PPP1CA: variants seen among roughly 807,000 people sequenced by gnomAD.
PPP1CA encodes the protein serine/threonine-protein phosphatase PP1-alpha catalytic subunit.
PPP1CA carries 14 observed loss-of-function variants against 38.5 expected under a neutral mutation model. That is an observed-to-expected ratio of 0.36 (90% CI 0.24 to 0.57). The LOEUF (loss-of-function observed/expected upper bound fraction) is 0.57. Among genes scored for constraint, PPP1CA ranks in the 20% least tolerant of loss-of-function variants. PPP1CA has a pLI of 0.80. For synonymous variants in PPP1CA, 200 were observed against 177.3 expected, an observed-to-expected ratio of 1.13 and a Z score of -1.02; for missense variants, 277 against 435.2, an observed-to-expected ratio of 0.64 and a Z score of 3.23.
rs1862820206 is a variant in PPP1CA at position 67,398,985 on chromosome 11, C to T, written c.702G>A (p.Lys234=). Residue 234 remains lysine (K), a synonymous_variant, in exon 5 of 7, where the codon AAG becomes AAA. Transcript: ENST00000376745. ...GGTCCAAGTCGTGCTTGTGGAGGAA[C>T]TTGGCCACCACCTCGGCTCCAAAGG... is the stretch of plus-strand genomic sequence containing the variant. ...SFTFGAEVVA[K]FLHKHDLDLI... 1 of 1,613,354 alleles carries T rather than the reference C, an allele frequency of 6.2e-7. No homozygotes were observed. The highest frequency in any genetic ancestry group is 1.3e-5 in the African/African-American group (1 of 74,948).
At chr11:67,399,711 C>T (rs1468549548) in intron 3 of PPP1CA, 46 bp from the exon 4 acceptor site, 4 of 1,491,970 alleles carry the variant, frequency 2.7e-6, no homozygotes, top group Admixed American at 3.6e-5. Flanking sequence ...ACCCCACCCT[C>T]AGCCAGGGTC....
At position 67,398,529 on chromosome 11, in the gene PPP1CA, CG is replaced by C. The variant is rs746983377; in HGVS notation, c.*5del. On this transcript the variant is annotated 3_prime_UTR_variant, in exon 7 of 7. Coordinates refer to ENST00000376745, the MANE Select transcript of PPP1CA (RefSeq NM_002708.4). ...ATCATCTGGGGCACAGGGTGGTGTG[CG>C]GGGGCTATTTCTTGGCTTTGGCGGA... The C allele has an allele frequency of 1.2e-6, 2 of 1,612,454 alleles. No homozygotes were observed. Among genetic ancestry groups the C allele is most frequent in the Non-Finnish European group, 1.7e-6 (2 of 1,178,920 alleles).
Position 67,401,838 on chromosome 11 carries a change from C to T in PPP1CA, c.-56G>A, listed in dbSNP as rs1408701363. On this transcript the variant is annotated 5_prime_UTR_variant, in exon 1 of 7. Coordinates refer to ENST00000376745, the MANE Select transcript of PPP1CA (RefSeq NM_002708.4). ...CTGGCCCGCTCCTGCCTCCCGCCCTCCGGCAGCCTCCTTCCGGCCTGGCTC... is the reference window on the plus strand; with the variant it reads ...CTGGCCCGCTCCTGCCTCCCGCCCTTCGGCAGCCTCCTTCCGGCCTGGCTC... 7 of 1,321,376 alleles carry T rather than the reference C, an allele frequency of 5.3e-6. No homozygotes were observed. The South Asian group carries it at 6.0e-5, about 11-fold the overall frequency. 81.9% of individuals were successfully genotyped at this position (1,321,376 alleles called of 1,614,324 possible).
Position 67,401,814 on chromosome 11 carries a change from TG to T in PPP1CA, c.-33del, listed in dbSNP as rs1862899542. 1 of 1,411,366 alleles carries T rather than the reference TG, an allele frequency of 7.1e-7. No individual in the cohort carries two copies. Among genetic ancestry groups the T allele is most frequent in the Non-Finnish European group, 9.3e-7 (1 of 1,070,420 alleles). The allele number at this position is 1,411,366 out of a possible 1,614,324, so 87.4% of individuals were successfully genotyped here. On this transcript the variant is annotated 5_prime_UTR_variant, in exon 1 of 7. Coordinates refer to ENST00000376745, the MANE Select transcript of PPP1CA (RefSeq NM_002708.4). ...GCCGCCGCTCCAGCCCAGCAGCTCC[TG>T]GCCCGCTCCTGCCTCCCGCCCTCCG...
chr11:67,401,529 AG>A (rs1359055257), intron 1 of PPP1CA, 198 bp downstream of exon 1: 14 of 557,264 alleles, frequency 2.5e-5, no homozygotes, highest in Middle Eastern at 5.0e-4. Flanking sequence ...AGCCCGGGAG[AG>A]GGGGGGAGCT....
intron 3 of PPP1CA, 75 bp from the exon 4 acceptor site, chr11:67,399,740 G>A: frequency 8.0e-7 from 1 of 1,255,974 alleles, no homozygotes; most frequent in Middle Eastern, 1.9e-4. Context: ...ATTCAGCCGT[G>A]GCTGGGAGGA....
chr11:67,401,649 G>A, intron 1 of PPP1CA, 79 bp downstream of exon 1: 2 of 1,195,004 alleles, frequency 1.7e-6, no homozygotes, highest in Non-Finnish European at 2.1e-6. Context: ...CTGGCCCCGG[G>A]GGCCCGCCCG....
intron 1 of PPP1CA, 137 bp downstream of exon 1, chr11:67,401,591 G>A: frequency 2.6e-6 from 2 of 762,134 alleles, no homozygotes; most frequent in Non-Finnish European, 3.6e-6. Flanking sequence ...TCCGCGGGGG[G>A]GCAGCTGCGG....
Position 67,398,857 on chromosome 11 carries a change from C to A in PPP1CA, c.748-1G>T. ...AGAACTCGTAGCCGTCTTCTACCACCTGGGCGAGGATGGGAGCAGTCAGTC... is the reference window on the plus strand; with the variant it reads ...AGAACTCGTAGCCGTCTTCTACCACATGGGCGAGGATGGGAGCAGTCAGTC... On this transcript the variant is annotated splice_acceptor_variant, in intron 5 of 6. Coordinates refer to ENST00000376745, the MANE Select transcript of PPP1CA (RefSeq NM_002708.4). LOFTEE classifies it high-confidence loss of function. The A allele has an allele frequency of 6.2e-7, 1 of 1,612,564 alleles. No individual in the cohort carries two copies. Among genetic ancestry groups the A allele is most frequent in the Non-Finnish European group, 8.5e-7 (1 of 1,179,982 alleles).
chr11:67,398,577 T>TCGGC lies in PPP1CA; in HGVS notation c.947_950dup (p.Ile319ThrfsTer27). The TCGGC allele has an allele frequency of 6.2e-7, 1 of 1,613,940 alleles. No homozygotes were observed. Among genetic ancestry groups the TCGGC allele is most frequent in the Non-Finnish European group, 8.5e-7 (1 of 1,179,958 alleles). ...CGGAATTGCGGGGTGGGGTGATGGG[T>TCGGC]CGGCCTCCAGGGTTCAGGCCACTGA... On this transcript the variant is annotated frameshift_variant, in exon 7 of 7. Transcript: ENST00000376745. LOFTEE classifies it high-confidence loss of function.
At position 67,398,275 on chromosome 11, in the gene PPP1CA, C is replaced by G. The variant is rs532870769; in HGVS notation, c.*260G>C. 1.9e-6 allele frequency: 1 copy of G among 514,610 alleles called. No homozygotes were observed. Among genetic ancestry groups the G allele is most frequent in the Non-Finnish European group, 3.4e-6 (1 of 290,054 alleles). 31.9% of individuals were successfully genotyped at this position (514,610 alleles called of 1,614,324 possible). On this transcript the variant is annotated 3_prime_UTR_variant, in exon 7 of 7. Coordinates refer to ENST00000376745, the MANE Select transcript of PPP1CA (RefSeq NM_002708.4). Reference sequence around the variant, plus strand: ...GAGGCCAAGCACGGCTGGAGACCCACGACCTGGCCTGCCGTTGCCCTGAGC... The same window carrying G: ...GAGGCCAAGCACGGCTGGAGACCCAGGACCTGGCCTGCCGTTGCCCTGAGC...
intron 4 of PPP1CA, 111 bp downstream of exon 4, chr11:67,399,450 A>G (rs1006195302): frequency 1.1e-6 from 1 of 950,836 alleles, no homozygotes; most frequent in African/African-American, 1.6e-5. Flanking sequence ...ACAGTGGGGT[A>G]TGGGGGACAC....
At chr11:67,399,464 C>G (rs1477154636) in intron 4 of PPP1CA, 97 bp downstream of exon 4, 3 of 1,123,600 alleles carry the variant, frequency 2.7e-6, no homozygotes, top group African/African-American at 1.5e-5. Context: ...GGGACACTTC[C>G]TGGAAGGAGT....
In PPP1CA at chr11:67,398,482, A is replaced by T; in HGVS notation, c.*53T>A. The T allele has an allele frequency of 1.3e-6, 2 of 1,563,070 alleles. No homozygotes were observed. The highest frequency in any genetic ancestry group is 1.7e-5 in the Admixed American group (1 of 58,548). The stretch of plus-strand genomic sequence containing the variant: ...GGTGACCCCCCCCCAGCATGGCAGC[A>T]TGATTTCTGTACAATCAATCCATCA... On this transcript the variant is annotated 3_prime_UTR_variant, in exon 7 of 7. Transcript: ENST00000376745.
chr11:67,398,192 G>C lies in PPP1CA; in HGVS notation c.*343C>G. The C allele has an allele frequency of 3.0e-6, 1 of 335,154 alleles. No individual in the cohort carries two copies. The highest frequency in any genetic ancestry group is 5.5e-6 in the Non-Finnish European group (1 of 180,424). 20.8% of individuals were successfully genotyped at this position (335,154 alleles called of 1,614,324 possible). A position where few individuals can be genotyped will look rare whatever the true frequency, so the allele number is the denominator to read the frequency against. On this transcript the variant is annotated 3_prime_UTR_variant, in exon 7 of 7. Transcript: ENST00000376745. ...AGACGGAGGCCATGGCGAGAATCCA[G>C]CTTTGACCTTTATTCAAGAGACCAG... is the stretch of plus-strand genomic sequence containing the variant.
chr11:67,399,408 G>T (rs1862830130), intron 4 of PPP1CA, among the ~76,000 whole-genome samples, 153 bp downstream of exon 4: 1 of 152,208 alleles, frequency 6.6e-6, no homozygotes, highest in African/African-American at 2.4e-5. Context: ...CTCCATGTAG[G>T]ACACACATCA....
Position 67,401,796 on chromosome 11 carries a change from C to G in PPP1CA, c.-14G>C, listed in dbSNP as rs1477124230. 4 of 1,466,272 alleles carry G rather than the reference C, an allele frequency of 2.7e-6. No homozygotes were observed. The highest frequency in any genetic ancestry group is 3.6e-6 in the Non-Finnish European group (4 of 1,099,712). 90.8% of individuals were successfully genotyped at this position (1,466,272 alleles called of 1,614,324 possible). On this transcript the variant is annotated 5_prime_UTR_variant, in exon 1 of 7. Coordinates refer to ENST00000376745, the MANE Select transcript of PPP1CA (RefSeq NM_002708.4). ...GCTGTCGGACATGGCGGCGCCGCCG[C>G]TCCAGCCCAGCAGCTCCTGGCCCGC...
intron 3 of PPP1CA, 57 bp from the exon 4 acceptor site, chr11:67,399,722 C>T: frequency 5.6e-6 from 8 of 1,429,378 alleles, no homozygotes; most frequent in Non-Finnish European, 7.8e-6. Flanking sequence ...AGCCAGGGTC[C>T]CTGGGCTATT....
intron 4 of PPP1CA, 63 bp from the exon 5 acceptor site, chr11:67,399,226 C>T: frequency 7.0e-7 from 1 of 1,428,454 alleles, no homozygotes; most frequent in Non-Finnish European, 9.7e-7. Context: ...GAAGCCTTGG[C>T]CAATGAACCC....
Sources: gnomAD v4.1 joint callset for allele counts (sites outside exome capture counted in the v4.1 genomes callset) on GRCh38, gnomAD v4.1.1 for gene constraint, MANE v1.5 for transcripts, NCBI Gene and HGNC (gene_info 2026-07-23, HGNC 2026-07-21) for gene names.